Variants in RANBP2 observed in about 807,000 individuals in gnomAD.
RANBP2 encodes RAN binding protein 2.
In RANBP2, 57 loss-of-function variants were observed where a neutral mutation model predicts 303.6. The observed-to-expected ratio is 0.19, with a 90% CI of 0.15 to 0.23. RANBP2 has a LOEUF of 0.23. Ranked by LOEUF, RANBP2 falls within the 10% of genes least tolerant of loss-of-function variation. The pLI is 1.00. For synonymous variants in RANBP2, 1,167 were observed against 1,301.5 expected (o/e 0.90, Z 2.23); for missense variants, 3,138 against 3,780.8 (o/e 0.83, Z 4.46).
chr2:109,051,872 C>T, the RANBP2 span, among the ~76,000 whole-genome samples: 1 of 152,014 alleles, frequency 6.6e-6, no homozygotes. Flanking sequence ...CCTCAGCATC[C>T]CGAGTAGCTG....
At chr2:109,731,288 T>C in the RANBP2 span, among the ~76,000 whole-genome samples, 1 of 152,204 alleles carries the variant, frequency 6.6e-6, no homozygotes, top group Non-Finnish European at 1.5e-5. Context: ...GTTGGTCCAA[T>C]AGTAGGAGAA....
the RANBP2 span, among the ~76,000 whole-genome samples, chr2:109,491,195 G>A: frequency 6.6e-6 from 1 of 152,186 alleles, no homozygotes; most frequent in African/African-American, 2.4e-5. Flanking sequence ...CAGGAAATGT[G>A]TCAGGACCAA....
At chr2:108,789,156 A>G (rs1310463747), downstream of RANBP2, among the ~76,000 whole-genome samples, 1 of 152,266 alleles carries the variant, frequency 6.6e-6, no homozygotes, top group African/African-American at 2.4e-5. Context: ...TCTGTAATAA[A>G]AGCATAGACC....
At chr2:109,037,264 C>T in the RANBP2 span, among the ~76,000 whole-genome samples, 6 of 143,508 alleles carry the variant, frequency 4.2e-5, no homozygotes, top group African/African-American at 1.6e-4. Context: ...TTCAGGGCTG[C>T]AGTGAACCAT....
the RANBP2 span, among the ~76,000 whole-genome samples, chr2:108,964,903 G>T: frequency 6.6e-6 from 1 of 152,100 alleles, no homozygotes; most frequent in Non-Finnish European, 1.5e-5. Context: ...CAGCACGTCT[G>T]GAATAAGGAA....
the RANBP2 span, among the ~76,000 whole-genome samples, chr2:109,320,540 A>T: frequency 3.3e-5 from 5 of 152,178 alleles, no homozygotes; most frequent in East Asian, 7.7e-4. Context: ...TGCTGGATAC[A>T]TGTTTGTTAT....
the RANBP2 span, among the ~76,000 whole-genome samples, chr2:109,015,621 G>A: frequency 6.6e-6 from 1 of 152,078 alleles, no homozygotes; most frequent in African/African-American, 2.4e-5. Context: ...AGCTGGGCAT[G>A]ATGGGGAGTG....
At chr2:109,333,884 C>T in the RANBP2 span, among the ~76,000 whole-genome samples, 1 of 152,024 alleles carries the variant, frequency 6.6e-6, no homozygotes, top group Non-Finnish European at 1.5e-5. Flanking sequence ...ATAATGATAT[C>T]ACCAAAATAA....
rs1696012584 is a variant in RANBP2, at chr2:108,740,676, T to C, written c.970T>C (p.Phe324Leu). Residue 324 changes from phenylalanine (F) to leucine (L), a missense_variant, in exon 7 of 29, where the codon TTT becomes CTT. This residue lies in a region of RANBP2 where 306 missense variants were observed against 381.9 expected (regional missense o/e 0.80). Coordinates refer to ENST00000283195, the MANE Select transcript of RANBP2 (RefSeq NM_006267.5). ...GGCTGCATTGTGCTATCTCATAGCA[T>C]TTCAGGTAAGTCTTCCACTTGTAGG... is the stretch of plus-strand genomic sequence containing the variant. ...ELAALCYLIA[F>L]QVPRPKIKLI... The C allele has an allele frequency of 6.3e-7, 1 of 1,597,524 alleles. No homozygotes were observed. Among genetic ancestry groups the C allele is most frequent in the Non-Finnish European group, 8.5e-7 (1 of 1,179,750 alleles).
In RANBP2 at chr2:108,766,728, C is replaced by T. The variant is rs770386567; in HGVS notation, c.6189C>T (p.Leu2063=). 1 of 1,611,928 alleles carries T rather than the reference C, an allele frequency of 6.2e-7. No individual in the cohort carries two copies. Among genetic ancestry groups the T allele is most frequent in the Non-Finnish European group, 8.5e-7 (1 of 1,179,840 alleles). ...KERGLGNLKI[L]KNEVNGKLRM... ...GGGGCTTGGGGAACTTAAAAATTCT[C>T]AAAAACGAGGTCAATGGCAAACTAA... Residue 2063 remains leucine, a synonymous_variant, in exon 20 of 29, where the codon CTC becomes CTT. Transcript: ENST00000283195.
chr2:108,815,853 A>T, the RANBP2 span: 3 of 1,095,192 alleles, frequency 2.7e-6, no homozygotes, highest in Non-Finnish European at 4.0e-6. Context: ...TAGTCAAATT[A>T]TTCTTATTAC....
At chr2:109,398,195 A>G in the RANBP2 span, among the ~76,000 whole-genome samples, 1 of 152,212 alleles carries the variant, frequency 6.6e-6, no homozygotes, top group South Asian at 2.1e-4. Context: ...ACCTGCTGTC[A>G]TGGAGCATGC....
the RANBP2 span, among the ~76,000 whole-genome samples, chr2:108,964,854 T>G: frequency 3.3e-4 from 51 of 152,264 alleles, no homozygotes; most frequent in Non-Finnish European, 5.4e-4. Context: ...TGGAAATAAT[T>G]CCACAAACTG....
At chr2:109,573,668 C>A in the RANBP2 span, among the ~76,000 whole-genome samples, 2 of 152,124 alleles carry the variant, frequency 1.3e-5, no homozygotes, top group African/African-American at 4.8e-5. Context: ...AGTTAGTAAC[C>A]AGGATCATGA....
chr2:108,955,581 G>T, the RANBP2 span, among the ~76,000 whole-genome samples: 1 of 151,948 alleles, frequency 6.6e-6, no homozygotes, highest in Admixed American at 6.6e-5. Flanking sequence ...GGTGGCACTT[G>T]CCTGTAATCC....
the RANBP2 span, among the ~76,000 whole-genome samples, chr2:109,730,717 A>T: frequency 6.9e-6 from 1 of 145,904 alleles, no homozygotes; most frequent in African/African-American, 2.5e-5. Flanking sequence ...CAGACAGCTG[A>T]CTTCATGTGT....
At chr2:109,528,965 T>G in the RANBP2 span, among the ~76,000 whole-genome samples, 1 of 152,290 alleles carries the variant, frequency 6.6e-6, no homozygotes, top group Admixed American at 6.5e-5. Context: ...TGCCTTGACC[T>G]TAGCGCTCAG....
At chr2:108,816,749 G>A in the RANBP2 span, among the ~76,000 whole-genome samples, 25 of 152,280 alleles carry the variant, frequency 1.6e-4, no homozygotes, top group African/African-American at 5.8e-4. Flanking sequence ...AGGCTGGAGT[G>A]CAGTGGCCCA....
At chr2:109,348,558 G>A in the RANBP2 span, among the ~76,000 whole-genome samples, 1 of 152,208 alleles carries the variant, frequency 6.6e-6, no homozygotes, top group Non-Finnish European at 1.5e-5. Flanking sequence ...GGTTCTGGCT[G>A]TCCTGGCAGT....
Sources: gnomAD v4.1 joint callset for allele counts (sites outside exome capture counted in the v4.1 genomes callset) on GRCh38, gnomAD v4.1.1 for gene constraint, gnomAD v4.1.1 regional missense constraint, MANE v1.5 for transcripts, NCBI Gene and HGNC (gene_info 2026-07-23, HGNC 2026-07-21) for gene names.